Variants in MTAP observed in about 807,000 individuals in gnomAD.
The protein encoded by MTAP is S-methyl-5'-thioadenosine phosphorylase.
Under a neutral mutation model 33.6 loss-of-function variants are expected in MTAP, and 33 were observed. That is an observed-to-expected ratio of 0.98 (90% CI 0.74 to 1.31). MTAP has a LOEUF of 1.31. MTAP is among the 40% of genes most tolerant of loss of function. MTAP has a pLI of 0.00. For synonymous variants in MTAP, 148 were observed against 125.7 expected (o/e 1.18, Z -1.19); for missense variants, 367 against 360.0 (o/e 1.02, Z -0.16).
chr9:21,910,346 A>G (rs1159348452), intron 1 of MTAP, among the ~76,000 whole-genome samples: 2 of 152,208 alleles, frequency 1.3e-5, no homozygotes, highest in Non-Finnish European at 2.9e-5. Flanking sequence ...ATTATATAGT[A>G]TATTTGAAAG....
chr9:21,900,398 A>G (rs991124310), intron 1 of MTAP, among the ~76,000 whole-genome samples: 1 of 152,224 alleles, frequency 6.6e-6, no homozygotes, highest in African/African-American at 2.4e-5. Flanking sequence ...CATGCAGCCA[A>G]CAAGCATATG....
At position 21,854,716 on chromosome 9, in the gene MTAP, C is replaced by T; in HGVS notation, c.536C>T (p.Ser179Phe). 3 of 1,614,098 alleles carry T rather than the reference C, an allele frequency of 1.9e-6. No individual in the cohort carries two copies. Among genetic ancestry groups the T allele is most frequent in the Non-Finnish European group, 2.5e-6 (3 of 1,179,962 alleles). Reference sequence around the variant, plus strand: ...ACAATCGAGGGACCTCGTTTTAGCTCCCGGGCAGAAAGCTTCATGTTCCGC... The same window carrying T: ...ACAATCGAGGGACCTCGTTTTAGCTTCCGGGCAGAAAGCTTCATGTTCCGC... ...MVTIEGPRFS[S>F]RAESFMFRTW... The change falls in exon 6 of 8, where the codon TCC becomes TTC. Residue 179 changes from serine to phenylalanine, a missense_variant. Ser to Phe is a radical substitution (Grantham distance 155). Coordinates refer to ENST00000644715, the MANE Select transcript of MTAP (RefSeq NM_002451.4).
At chr9:21,877,894 C>A (rs547595413) in intron 1 of MTAP, among the ~76,000 whole-genome samples, 1 of 152,114 alleles carries the variant, frequency 6.6e-6, no homozygotes, top group East Asian at 1.9e-4. Flanking sequence ...GGGAGGAGTC[C>A]CTCCTCCTCA....
At chr9:21,803,927 A>AATTC (rs1261592278) in intron 1 of MTAP, among the ~76,000 whole-genome samples, 1 of 152,178 alleles carries the variant, frequency 6.6e-6, no homozygotes, top group Non-Finnish European at 1.5e-5. Context: ...AGGAATGGTG[A>AATTC]AGGGTGTTGC....
At position 21,915,084 on chromosome 9, in the gene MTAP, C is replaced by CTTTCTCTTTCTTTCTTTCTTTCTTTCTTT. The variant is rs369342496; in HGVS notation, c.148-15924_148-15923insTTTCTCTTTCTTTCTTTCTTTCTTTCTTT. Among the ~76,000 whole-genome samples, 42 of 72,416 alleles carry CTTTCTCTTTCTTTCTTTCTTTCTTTCTTT rather than the reference C, an allele frequency of 5.8e-4. 2 individuals carry two copies. The highest frequency in any genetic ancestry group is 4.2e-3 in the African/African-American group (40 of 9,506). 47.5% of individuals were successfully genotyped at this position (72,416 alleles called of 152,430 possible). On this transcript the variant is annotated intron_variant, in intron 1 of 1. Coordinates refer to the MTAP transcript ENST00000577563. ...TCTTTCTTTCTTTCTTTCTTTCTTTCCTTTCTTTCTTTTCTTTCGGCAGAG... is the reference window on the plus strand; with the variant it reads ...TCTTTCTTTCTTTCTTTCTTTCTTTCTTTCTCTTTCTTTCTTTCTTTCTTTCTTTCTTTCTTTCTTTTCTTTCGGCAGAG...
chr9:21,825,064 C>T (rs1248717705), intron 4 of MTAP, among the ~76,000 whole-genome samples: 3 of 152,104 alleles, frequency 2.0e-5, no homozygotes, highest in East Asian at 1.9e-4. Flanking sequence ...GAGGCGATGC[C>T]TCACCCTGCT....
rs756210582 is a variant in MTAP at position 21,863,183 on chromosome 9, G to A, written c.*1169G>A. 5.2e-6 allele frequency: 5 copies of A among 958,476 alleles called. No homozygotes were observed. The highest frequency in any genetic ancestry group is 6.2e-6 in the Non-Finnish European group (5 of 805,540). The allele number at this position is 958,476 out of a possible 1,614,324, so 59.4% of individuals were successfully genotyped here. ...ACTAAATGCACATTTTATGGTATCT[G>A]ATATTTTAAAAAGTAATGTTTGATT... On this transcript the variant is annotated 3_prime_UTR_variant, in exon 8 of 8. Transcript: ENST00000644715.
At chr9:21,926,356 CA>C (rs141468050) in intron 1 of MTAP, among the ~76,000 whole-genome samples, 20,697 of 152,106 alleles carry the variant, frequency 0.14, 4,597 homozygotes, top group African/African-American at 0.47. Context: ...AGCAATGGAG[CA>C]ATGGACAATA....
chr9:21,850,794 A>G (rs574689215), intron 5 of MTAP, among the ~76,000 whole-genome samples: 12 of 152,288 alleles, frequency 7.9e-5, no homozygotes, highest in African/African-American at 2.9e-4. Context: ...CTAGCCATAA[A>G]GTGGGTTGTG....
At chr9:21,806,314 GGAA>G (rs1372938737) in intron 1 of MTAP, among the ~76,000 whole-genome samples, 4 of 152,050 alleles carry the variant, frequency 2.6e-5, no homozygotes, top group African/African-American at 4.8e-5. Flanking sequence ...GGGGAGTGCA[GGAA>G]GAAGAACAGG....
chr9:21,935,933 A>C (rs185285211), downstream of MTAP: 8 of 152,316 alleles, frequency 5.3e-5, no homozygotes, highest in East Asian at 1.5e-3. Context: ...TCATTATTTT[A>C]GTGTTTTTGT....
At chr9:21,834,271 C>T (rs566747749) in intron 4 of MTAP, among the ~76,000 whole-genome samples, 15 of 152,236 alleles carry the variant, frequency 9.9e-5, no homozygotes, top group African/African-American at 3.6e-4. Flanking sequence ...TGCAGAGAGA[C>T]GAGAGTGACT....
chr9:21,834,829 A>T (rs1825062590), intron 4 of MTAP, among the ~76,000 whole-genome samples: 1 of 152,186 alleles, frequency 6.6e-6, no homozygotes. Context: ...TAGCATGTGG[A>T]CATCTTCGGA....
At chr9:21,855,574 A>G (rs1254118731) in intron 6 of MTAP, among the ~76,000 whole-genome samples, 1 of 152,122 alleles carries the variant, frequency 6.6e-6, no homozygotes, top group African/African-American at 2.4e-5. Flanking sequence ...GGGATGCAAT[A>G]CAGTAGGGCC....
chr9:21,864,117 C>T lies in MTAP; in HGVS notation c.*2103C>T. On this transcript the variant is annotated 3_prime_UTR_variant, in exon 8 of 8. Coordinates refer to ENST00000644715, the MANE Select transcript of MTAP (RefSeq NM_002451.4). Reference sequence around the variant, plus strand: ...GGCAAAAGTATGGGCATTTTTCTTGCTATGTTCAGAAAGTACAGTTCTCTC... The same window carrying T: ...GGCAAAAGTATGGGCATTTTTCTTGTTATGTTCAGAAAGTACAGTTCTCTC... The T allele has an allele frequency of 1.0e-6, 1 of 985,372 alleles. No homozygotes were observed. Among genetic ancestry groups the T allele is most frequent in the African/African-American group, 1.7e-5 (1 of 57,334 alleles). 61.0% of individuals were successfully genotyped at this position (985,372 alleles called of 1,614,324 possible).
intron 4 of MTAP, among the ~76,000 whole-genome samples, chr9:21,831,785 AT>A (rs35859306): frequency 0.33 from 49,110 of 148,216 alleles, 9,317 homozygotes; most frequent in East Asian, 0.45. Context: ...GCAGATATTG[AT>A]TTTTTTTTTT....
downstream of MTAP, chr9:21,935,971 T>G (rs1819035976): frequency 6.6e-6 from 1 of 152,198 alleles, no homozygotes; most frequent in Admixed American, 6.5e-5. Context: ...AAGTGCAAAG[T>G]ATAATCAATT....
At chr9:21,802,965 G>A in intron 1 of MTAP, 184 bp downstream of exon 1, 1 of 1,258,774 alleles carries the variant, frequency 7.9e-7, no homozygotes, top group Non-Finnish European at 1.0e-6. Context: ...GCTTGCAAAT[G>A]ATCCCCCTGC....
rs941560649 is a variant in MTAP at position 21,803,106 on chromosome 9, A to T, written c.33+325A>T. On this transcript the variant is annotated intron_variant, in intron 1 of 7. Coordinates refer to ENST00000644715, the MANE Select transcript of MTAP (RefSeq NM_002451.4). ...ACCCCTTTAGAGAGAGAGGTCGTGG[A>T]TGGGAGAGGCTGCACCCATGCCACC... 1.6e-4 allele frequency: 85 copies of T among 541,044 alleles called. 1 individual carries two copies. The highest frequency in any genetic ancestry group is 2.3e-4 in the Non-Finnish European group (80 of 340,962). 33.5% of individuals were successfully genotyped at this position (541,044 alleles called of 1,614,324 possible).
Sources: allele counts gnomAD v4.1 joint callset (sites outside exome capture counted in the v4.1 genomes callset), GRCh38; gene constraint gnomAD v4.1.1; transcripts MANE v1.5; gene names NCBI Gene and HGNC (gene_info 2026-07-23, HGNC 2026-07-21).